SRPX: variants seen among roughly 807,000 people sequenced by gnomAD.
The protein encoded by SRPX is sushi repeat containing protein X-linked.
A neutral mutation model predicts 38.1 loss-of-function variants in SRPX; 24 were observed. The ratio of observed to expected loss-of-function variants is 0.63; its 90% CI spans 0.46 to 0.89. SRPX has a LOEUF of 0.89. SRPX is among the 40% of genes least tolerant of loss of function. The pLI, the probability that SRPX is intolerant of heterozygous loss-of-function variation, is 0.00. For synonymous variants in SRPX, 184 were observed against 153.8 expected, an observed-to-expected ratio of 1.20 and a Z score of -1.45; for missense variants, 416 against 377.8, an observed-to-expected ratio of 1.10 and a Z score of -0.84.
At chrX:38,191,132 T>C (rs1208296522) in intron 1 of SRPX, among the ~76,000 whole-genome samples, 1 of 112,139 alleles carries the variant, frequency 8.9e-6, no homozygotes, top group Admixed American at 9.4e-5. Context: ...CCCACAAGCA[T>C]ACCTCTGCCC....
intron 9 of SRPX, among the ~76,000 whole-genome samples, chrX:38,153,302 CTTTTTTTTTT>C (rs58888978): frequency 5.5e-5 from 3 of 54,739 alleles, no homozygotes; most frequent in Admixed American, 5.2e-4. Flanking sequence ...TTCTTTCTTT[CTTTTTTTTTT>C]TTTTTTTTTT....
intron 2 of SRPX, 93 bp downstream of exon 2, chrX:38,178,192 C>T (rs1323143984): frequency 1.7e-6 from 1 of 586,095 alleles, no homozygotes; most frequent in African/African-American, 2.3e-5. Flanking sequence ...AATGTGTTGT[C>T]TGGTCACTTT....
intron 2 of SRPX, among the ~76,000 whole-genome samples, chrX:38,176,585 G>A (rs771642410): frequency 1.4e-4 from 16 of 111,407 alleles, no homozygotes; most frequent in African/African-American, 5.2e-4. Flanking sequence ...CTGAGGTTAG[G>A]AGTTCGAGAC....
intron 1 of SRPX, among the ~76,000 whole-genome samples, chrX:38,207,632 C>T (rs763812761): frequency 3.6e-5 from 4 of 112,117 alleles, no homozygotes; most frequent in Non-Finnish European, 7.5e-5. Flanking sequence ...CAGAAGACTC[C>T]AGACCAAGAC....
chrX:38,213,746 C>T lies in SRPX; in HGVS notation c.97+6950G>A, dbSNP rs183245654. Among the ~76,000 whole-genome samples, 342 of 111,982 alleles carry T rather than the reference C, an allele frequency of 3.1e-3. 3 individuals carry two copies. The highest frequency in any genetic ancestry group is 0.017 in the South Asian group (45 of 2,622). On this transcript the variant is annotated intron_variant, in intron 1 of 9. Transcript: ENST00000378533. ...ATAGTAGCTTCTACCTCTGAGGAGG[C>T]CTCAGGAAACTTGCAATCAAGGCAG...
intron 1 of SRPX, 100 bp from the exon 2 acceptor site, chrX:38,178,444 T>G: frequency 1.5e-6 from 1 of 684,663 alleles, no homozygotes; most frequent in Non-Finnish European, 2.2e-6. Context: ...GGAGGTGCTA[T>G]TAGAATGCAG....
chrX:38,199,733 A>C (rs763013178), intron 1 of SRPX, among the ~76,000 whole-genome samples: 3 of 104,278 alleles, frequency 2.9e-5, no homozygotes, highest in South Asian at 8.8e-4. Context: ...GATTGACAAA[A>C]TAACAGAGTG....
At chrX:38,206,598 A>G (rs1381996170) in intron 1 of SRPX, among the ~76,000 whole-genome samples, 1 of 111,940 alleles carries the variant, frequency 8.9e-6, no homozygotes, top group African/African-American at 3.3e-5. Context: ...CAGCTTAGCC[A>G]TTGTCTGAGT....
At chrX:38,185,965 T>C (rs1357382265) in intron 1 of SRPX, among the ~76,000 whole-genome samples, 2 of 108,991 alleles carry the variant, frequency 1.8e-5, no homozygotes, top group Non-Finnish European at 1.9e-5. Flanking sequence ...GAGGGTAGAC[T>C]CTGATATGCA....
chrX:38,202,629 C>T (rs1366341311), intron 1 of SRPX, among the ~76,000 whole-genome samples: 1 of 111,329 alleles, frequency 9.0e-6, no homozygotes, highest in East Asian at 2.8e-4. Flanking sequence ...GCAAGACTGA[C>T]AAAGAAAAAC....
At chrX:38,167,595 T>C in intron 4 of SRPX, among the ~76,000 whole-genome samples, 1 of 112,565 alleles carries the variant, frequency 8.9e-6, no homozygotes, top group Non-Finnish European at 1.9e-5. Context: ...CCTGCAATTA[T>C]ATAAAAATCT....
chrX:38,188,585 G>A (rs778783421), intron 1 of SRPX, among the ~76,000 whole-genome samples: 1 of 111,912 alleles, frequency 8.9e-6, no homozygotes, highest in South Asian at 3.7e-4. Flanking sequence ...CCCATTTTAT[G>A]CCTGTTGTCC....
At chrX:38,157,526 C>T (rs1263546315) in intron 7 of SRPX, among the ~76,000 whole-genome samples, 2 of 111,982 alleles carry the variant, frequency 1.8e-5, no homozygotes, top group African/African-American at 6.5e-5. Context: ...ATGACTCTGA[C>T]ATCAGTTCTG....
At chrX:38,154,432 A>G (rs1438541236) in intron 9 of SRPX, 30 bp downstream of exon 9, 1 of 1,187,774 alleles carries the variant, frequency 8.4e-7, no homozygotes, top group Admixed American at 2.3e-5. Context: ...TTCACAGGGG[A>G]TAAGATTTAA....
chrX:38,210,748 T>A (rs145928472), intron 1 of SRPX, among the ~76,000 whole-genome samples: 5 of 112,462 alleles, frequency 4.4e-5, no homozygotes, highest in African/African-American at 1.3e-4. Flanking sequence ...CCCAGTTATG[T>A]GTCAGATAAA....
chrX:38,151,179 A>G (rs777966469), intron 9 of SRPX, among the ~76,000 whole-genome samples: 12 of 112,527 alleles, frequency 1.1e-4, no homozygotes, highest in African/African-American at 3.2e-4. Flanking sequence ...CCCAGTGACT[A>G]GAAATGAAAT....
chrX:38,205,208 C>A (rs1191823843), intron 1 of SRPX, among the ~76,000 whole-genome samples: 1 of 112,084 alleles, frequency 8.9e-6, no homozygotes, highest in Non-Finnish European at 1.9e-5. Flanking sequence ...GGAGGTATAA[C>A]CATACCTTAC....
At chrX:38,178,396 C>A in intron 1 of SRPX, 52 bp from the exon 2 acceptor site, 1 of 1,064,177 alleles carries the variant, frequency 9.4e-7, no homozygotes, top group Non-Finnish European at 1.3e-6. Flanking sequence ...ATAGTATGGA[C>A]GCATATTTCA....
At chrX:38,159,834 G>C (rs1341467657) in intron 7 of SRPX, among the ~76,000 whole-genome samples, 183 bp downstream of exon 7, 1 of 112,298 alleles carries the variant, frequency 8.9e-6, no homozygotes, top group Non-Finnish European at 1.9e-5. Context: ...GATAGGCAGG[G>C]GCAAGATGGA....
Sources: allele counts gnomAD v4.1 joint callset (sites outside exome capture counted in the v4.1 genomes callset), GRCh38; gene constraint gnomAD v4.1.1; transcripts MANE v1.5; gene names NCBI Gene and HGNC (gene_info 2026-07-23, HGNC 2026-07-21).